Variants in DUSP7 observed in about 807,000 individuals in gnomAD.
DUSP7 encodes dual specificity phosphatase 7.
In DUSP7, 7 loss-of-function variants were observed where a neutral mutation model predicts 29.8. The ratio of observed to expected loss-of-function variants is 0.24; its 90% CI spans 0.13 to 0.44. The LOEUF (loss-of-function observed/expected upper bound fraction) is 0.44. DUSP7 is among the 20% of genes least tolerant of loss of function. The probability of loss-of-function intolerance (pLI) is 1.00; values close to 1 mark genes in which losing one functional copy is unlikely to be tolerated. For synonymous variants in DUSP7, 287 were observed against 275.4 expected (o/e 1.04, Z -0.42); for missense variants, 400 against 583.7 (o/e 0.69, Z 3.24).
chr3:52,055,884 C>T lies in DUSP7; in HGVS notation c.483G>A (p.Leu161=). ...ASVLGLLLQK[L]RDDGCQAYYL... ...AGTAGGCCTGGCAGCCGTCGTCGCG[C>T]AGCTTCTGTAGGAGCAGGCCGAGCA... The change falls in exon 1 of 3, where the codon CTG becomes CTA. Residue 161 remains leucine (L), a synonymous_variant. Coordinates refer to ENST00000495880, the MANE Select transcript of DUSP7 (RefSeq NM_001947.4). 8.9e-6 allele frequency: 14 copies of T among 1,573,242 alleles called. No individual in the cohort carries two copies. The highest frequency in any genetic ancestry group is 1.2e-5 in the Non-Finnish European group (14 of 1,160,320).
In DUSP7 at chr3:52,051,551, T is replaced by C. The variant is rs1026155025; in HGVS notation, c.953-429A>G. 2.5e-5 allele frequency: 4 copies of C among 160,596 alleles called. No individual in the cohort carries two copies. In the East Asian group the frequency reaches 7.2e-4, roughly 29 times the overall value. 9.9% of individuals were successfully genotyped at this position (160,596 alleles called of 1,614,324 possible). ...CTTGGGTCATCTGCACCATGGCCAG[T>C]AAGCCCATTTTATCAACGAGGAAAC... On this transcript the variant is annotated intron_variant, in intron 2 of 2. Transcript: ENST00000495880. This position sits in a 1 kb window ranked among gnomAD's most constrained non-coding sequence, Gnocchi z 4.8.
In DUSP7 at chr3:52,056,167, C is replaced by T. The variant is rs1420254238; in HGVS notation, c.200G>A (p.Arg67His). 3.8e-6 allele frequency: 6 copies of T among 1,589,178 alleles called. No homozygotes were observed. The highest frequency in any genetic ancestry group is 4.5e-5 in the East Asian group (2 of 44,260). Residue 67 changes from arginine to histidine, a missense_variant, in exon 1 of 3, where the codon CGC (arginine) becomes CAC (histidine). Coordinates refer to ENST00000495880, the MANE Select transcript of DUSP7 (RefSeq NM_001947.4). The surrounding 1 kb of genome is among the most constrained non-coding windows in gnomAD (Gnocchi z 6.4). ...GAGCAGCAGCAAGGACGCGCCGCCG[C>T]GCGCCTCCAGCTCCTCCTGCAGCCA... ...AEWLQEELEARGGASLLLLDC... is the reference protein window; with the variant it reads ...AEWLQEELEAHGGASLLLLDC...
chr3:52,054,777 T>A lies in DUSP7; in HGVS notation c.518-403A>T, dbSNP rs1577768585. 6.6e-6 allele frequency among the ~76,000 whole-genome samples: 1 copy of A among 152,320 alleles called. No homozygotes were observed. Among genetic ancestry groups the A allele is most frequent in the Middle Eastern group, 3.4e-3 (1 of 294 alleles). ...TAAAGAAAAGCAGACAACCCCATCT[T>A]AGCCAGCACCTCTGGGTTGGCAAAC... is the stretch of plus-strand genomic sequence containing the variant. On this transcript the variant is annotated intron_variant, in intron 1 of 2. Coordinates refer to ENST00000495880, the MANE Select transcript of DUSP7 (RefSeq NM_001947.4). This position sits in a 1 kb window ranked among gnomAD's most constrained non-coding sequence, Gnocchi z 4.1.
In DUSP7 at chr3:52,056,316, C is replaced by G; in HGVS notation, c.51G>C (p.Ser17=). 8.4e-7 allele frequency: 1 copy of G among 1,188,226 alleles called. No individual in the cohort carries two copies. The highest frequency in any genetic ancestry group is 1.0e-6 in the Non-Finnish European group (1 of 962,408). 73.6% of individuals were successfully genotyped at this position (1,188,226 alleles called of 1,614,324 possible). Residue 17 remains serine, a synonymous_variant, in exon 1 of 3, where the codon TCG becomes TCC. Transcript: ENST00000495880. The surrounding 1 kb of genome is among the most constrained non-coding windows in gnomAD (Gnocchi z 6.4). ...GGGTGCCCCCAGCCGCCGCCGCCCC[C>G]GAAGTCGACATGTGCGCCCGCGCTG... is the stretch of plus-strand genomic sequence containing the variant. ...GPPARAHMST[S]GAAAAGGTRA...
rs1423872937 is a variant in DUSP7 at position 52,054,665 on chromosome 3, G to T, written c.518-291C>A. ...CCCCAGCCATGGCACCAGCTTTAGG[G>T]CACTTGAGGACAGGCCCCAGCTAAT... On this transcript the variant is annotated intron_variant, in intron 1 of 2. Coordinates refer to ENST00000495880, the MANE Select transcript of DUSP7 (RefSeq NM_001947.4). This position sits in a 1 kb window ranked among gnomAD's most constrained non-coding sequence, Gnocchi z 4.1. Among the ~76,000 whole-genome samples the T allele has an allele frequency of 6.6e-6, 1 of 152,220 alleles. No homozygotes were observed. The highest frequency in any genetic ancestry group is 1.5e-5 in the Non-Finnish European group (1 of 68,050).
In DUSP7 at chr3:52,054,426, TG is replaced by T. The variant is rs1701878023; in HGVS notation, c.518-53del. Reference sequence around the variant, plus strand: ...GGTGAGAGGCTGGTGAGAGCCCAGATGGGCTGCACAAGACCAGAGATGGCCA... The same window carrying T: ...GGTGAGAGGCTGGTGAGAGCCCAGATGGCTGCACAAGACCAGAGATGGCCA... On this transcript the variant is annotated intron_variant, in intron 1 of 2. Coordinates refer to ENST00000495880, the MANE Select transcript of DUSP7 (RefSeq NM_001947.4). This position sits in a 1 kb window ranked among gnomAD's most constrained non-coding sequence, Gnocchi z 4.1. The T allele has an allele frequency of 6.8e-7, 1 of 1,466,416 alleles. No homozygotes were observed. Among genetic ancestry groups the T allele is most frequent in the African/African-American group, 1.4e-5 (1 of 70,544 alleles). The allele number at this position is 1,466,416 out of a possible 1,614,324, so 90.8% of individuals were successfully genotyped here. A position where few individuals can be genotyped will look rare whatever the true frequency, so the allele number is the denominator to read the frequency against.
chr3:52,053,936 C>T lies in DUSP7; in HGVS notation c.952+4G>A. 1 of 1,614,074 alleles carries T rather than the reference C, an allele frequency of 6.2e-7. No homozygotes were observed. The highest frequency in any genetic ancestry group is 8.5e-7 in the Non-Finnish European group (1 of 1,179,978). On this transcript the variant is annotated splice_donor_region_variant and intron_variant, in intron 2 of 2. Coordinates refer to ENST00000495880, the MANE Select transcript of DUSP7 (RefSeq NM_001947.4). This position sits in a 1 kb window ranked among gnomAD's most constrained non-coding sequence, Gnocchi z 4.6. ...CACCCCCCTGCCCAGCACACAGCAC[C>T]TACCAATGAAGCTGATGGCCTCAGG...
rs369630401 is a variant in DUSP7 at position 52,049,137 on chromosome 3, A to G, written c.*1678T>C. The G allele has an allele frequency of 1.1e-4, 17 of 152,330 alleles. No individual in the cohort carries two copies. Among genetic ancestry groups the G allele is most frequent in the African/African-American group, 4.1e-4 (17 of 41,554 alleles). 9.4% of individuals were successfully genotyped at this position (152,330 alleles called of 1,614,324 possible). A position where few individuals can be genotyped will look rare whatever the true frequency, so the allele number is the denominator to read the frequency against. On this transcript the variant is annotated 3_prime_UTR_variant, in exon 3 of 3. Coordinates refer to ENST00000495880, the MANE Select transcript of DUSP7 (RefSeq NM_001947.4). ...TCTTTTTAAAAATAAAAGAGAGAAA[A>G]AGAGAACCATGTACAGCATGGAAGC...
rs1246923984 is a variant in DUSP7, at chr3:52,050,665, G to A, written c.*150C>T. ...CGGGCCCTGCCCCCAAGGATGGTGA[G>A]GGGCGCTCCGACACCGATCAGCCTG... On this transcript the variant is annotated 3_prime_UTR_variant, in exon 3 of 3. Coordinates refer to ENST00000495880, the MANE Select transcript of DUSP7 (RefSeq NM_001947.4). This position sits in a 1 kb window ranked among gnomAD's most constrained non-coding sequence, Gnocchi z 5.0. The A allele has an allele frequency of 2.2e-6, 2 of 927,928 alleles. No individual in the cohort carries two copies. The highest frequency in any genetic ancestry group is 3.4e-5 in the African/African-American group (2 of 59,588). The allele number at this position is 927,928 out of a possible 1,614,324, so 57.5% of individuals were successfully genotyped here.
rs773987682 is a variant in DUSP7 at position 52,054,254 on chromosome 3, C to T, written c.638G>A (p.Ser213Asn). 39 of 1,607,630 alleles carry T rather than the reference C, an allele frequency of 2.4e-5. No homozygotes were observed. The highest frequency in any genetic ancestry group is 3.3e-5 in the Non-Finnish European group (39 of 1,175,980). The change falls in exon 2 of 3, where the codon AGC (serine) becomes AAC (asparagine). Residue 213 changes from serine (S) to asparagine (N), a missense_variant. By Grantham distance (46) the Ser-to-Asn change is conservative. Coordinates refer to ENST00000495880, the MANE Select transcript of DUSP7 (RefSeq NM_001947.4). The surrounding 1 kb of genome is among the most constrained non-coding windows in gnomAD (Gnocchi z 4.1). ...CGACTCGCCGTCGGAGCAGTCAGAG[C>T]TGATGCGCAGGCCCCCCAGGCCCAG... Reference protein sequence around the residue: ...SVLGLGGLRISSDCSDGESDR... With the variant: ...SVLGLGGLRINSDCSDGESDR...
At position 52,053,753 on chromosome 3, in the gene DUSP7, T is replaced by A. The variant is rs1701869449; in HGVS notation, c.952+187A>T. ...AGGAGACTGCTCAGGCCCCAACAGG[T>A]AGAGGGGCCCAAGGGACTCGGTGAC... On this transcript the variant is annotated intron_variant, in intron 2 of 2. Transcript: ENST00000495880. The surrounding 1 kb of genome is among the most constrained non-coding windows in gnomAD (Gnocchi z 4.6). The A allele has an allele frequency of 1.6e-6, 1 of 640,232 alleles. No homozygotes were observed. The highest frequency in any genetic ancestry group is 1.8e-5 in the African/African-American group (1 of 54,684). The allele number at this position is 640,232 out of a possible 1,614,324, so 39.7% of individuals were successfully genotyped here. A position where few individuals can be genotyped will look rare whatever the true frequency, so the allele number is the denominator to read the frequency against.
rs1442464465 is a variant in DUSP7 at position 52,049,237 on chromosome 3, G to A, written c.*1578C>T. 2 of 152,242 alleles carry A rather than the reference G, an allele frequency of 1.3e-5. No homozygotes were observed. Among genetic ancestry groups the A allele is most frequent in the Admixed American group, 6.5e-5 (1 of 15,284 alleles). 9.4% of individuals were successfully genotyped at this position (152,242 alleles called of 1,614,324 possible). ...GAATCCCTGAAAGCCACCCCCGTGA[G>A]GTAAGAAGCAGTGGGGCAGAGTTTT... On this transcript the variant is annotated 3_prime_UTR_variant, in exon 3 of 3. Transcript: ENST00000495880.
rs1701821729 is a variant in DUSP7, at chr3:52,049,498, G to A, written c.*1317C>T. 6.6e-6 allele frequency: 1 copy of A among 152,338 alleles called. No individual in the cohort carries two copies. Among genetic ancestry groups the A allele is most frequent in the African/African-American group, 2.4e-5 (1 of 41,462 alleles). The allele number at this position is 152,338 out of a possible 1,614,324, so 9.4% of individuals were successfully genotyped here. ...CCTTGCCCCACTTGCCCCCGCCCTA[G>A]GGTTGAAATGGGTGCAAGTCTCCTG... is the stretch of plus-strand genomic sequence containing the variant. On this transcript the variant is annotated 3_prime_UTR_variant, in exon 3 of 3. Transcript: ENST00000495880.
rs1701847405 is a variant in DUSP7 at position 52,051,555 on chromosome 3, C to G, written c.953-433G>C. On this transcript the variant is annotated intron_variant, in intron 2 of 2. Coordinates refer to ENST00000495880, the MANE Select transcript of DUSP7 (RefSeq NM_001947.4). The surrounding 1 kb of genome is among the most constrained non-coding windows in gnomAD (Gnocchi z 4.8). ...GGTCATCTGCACCATGGCCAGTAAG[C>G]CCATTTTATCAACGAGGAAACAGAC... 1 of 160,326 alleles carries G rather than the reference C, an allele frequency of 6.2e-6. No homozygotes were observed. Among genetic ancestry groups the G allele is most frequent in the East Asian group, 1.8e-4 (1 of 5,578 alleles). 9.9% of individuals were successfully genotyped at this position (160,326 alleles called of 1,614,324 possible). A position where few individuals can be genotyped will look rare whatever the true frequency, so the allele number is the denominator to read the frequency against.
In DUSP7 at chr3:52,051,225, CTGGTCTTGCCCGA is replaced by C; in HGVS notation, c.953-116_953-104del. ...GCACAGAGGGCAGCATGGTGGCTGG[CTGGTCTTGCCCGA>C]CCCCTGAGGGACCTGGCCAAGCCCA... is the stretch of plus-strand genomic sequence containing the variant. On this transcript the variant is annotated intron_variant, in intron 2 of 2. Coordinates refer to ENST00000495880, the MANE Select transcript of DUSP7 (RefSeq NM_001947.4). The surrounding 1 kb of genome is among the most constrained non-coding windows in gnomAD (Gnocchi z 4.8). 1 of 1,370,852 alleles carries C rather than the reference CTGGTCTTGCCCGA, an allele frequency of 7.3e-7. No homozygotes were observed. The highest frequency in any genetic ancestry group is 9.8e-7 in the Non-Finnish European group (1 of 1,019,276). 84.9% of individuals were successfully genotyped at this position (1,370,852 alleles called of 1,614,324 possible).
chr3:52,054,783 G>A lies in DUSP7; in HGVS notation c.518-409C>T, dbSNP rs1701882229. On this transcript the variant is annotated intron_variant, in intron 1 of 2. Coordinates refer to ENST00000495880, the MANE Select transcript of DUSP7 (RefSeq NM_001947.4). The surrounding 1 kb of genome is among the most constrained non-coding windows in gnomAD (Gnocchi z 4.1). The stretch of plus-strand genomic sequence containing the variant: ...AAAGCAGACAACCCCATCTTAGCCA[G>A]CACCTCTGGGTTGGCAAACTCCTCT... 6.6e-6 allele frequency among the ~76,000 whole-genome samples: 1 copy of A among 152,208 alleles called. No homozygotes were observed. Among genetic ancestry groups the A allele is most frequent in the South Asian group, 2.1e-4 (1 of 4,834 alleles).
rs989785846 is a variant in DUSP7 at position 52,050,544 on chromosome 3, C to T, written c.*271G>A. 12 of 366,980 alleles carry T rather than the reference C, an allele frequency of 3.3e-5. No individual in the cohort carries two copies. In the East Asian group the frequency reaches 5.1e-4, roughly 16 times the overall value. 22.7% of individuals were successfully genotyped at this position (366,980 alleles called of 1,614,324 possible). A position where few individuals can be genotyped will look rare whatever the true frequency, so the allele number is the denominator to read the frequency against. ...TGGCTGGGCTGTCAGCAGAAAGGAG[C>T]GTCCTGGACAGGATGAGGCCCTGGT... On this transcript the variant is annotated 3_prime_UTR_variant, in exon 3 of 3. Coordinates refer to ENST00000495880, the MANE Select transcript of DUSP7 (RefSeq NM_001947.4). This position sits in a 1 kb window ranked among gnomAD's most constrained non-coding sequence, Gnocchi z 5.0.
In DUSP7 at chr3:52,054,400, GGGTGAGAGGCT is replaced by G; in HGVS notation, c.518-37_518-27del. 6.6e-7 allele frequency: 1 copy of G among 1,514,668 alleles called. No homozygotes were observed. The highest frequency in any genetic ancestry group is 8.8e-7 in the Non-Finnish European group (1 of 1,131,816). The allele number at this position is 1,514,668 out of a possible 1,614,324, so 93.8% of individuals were successfully genotyped here. A position where few individuals can be genotyped will look rare whatever the true frequency, so the allele number is the denominator to read the frequency against. On this transcript the variant is annotated intron_variant, in intron 1 of 2. Transcript: ENST00000495880. The surrounding 1 kb of genome is among the most constrained non-coding windows in gnomAD (Gnocchi z 4.1). ...CTGTGTCCAGGGTGAGACAGGGCCTGGGTGAGAGGCTGGTGAGAGCCCAGATGGGCTGCACA... is the reference window on the plus strand; with the variant it reads ...CTGTGTCCAGGGTGAGACAGGGCCTGGGTGAGAGCCCAGATGGGCTGCACA...
rs1049989083 is a variant in DUSP7 at position 52,054,112 on chromosome 3, G to A, written c.780C>T (p.Ser260=). The change falls in exon 2 of 3, where the codon TCC becomes TCT. Residue 260 remains serine, a synonymous_variant. Coordinates refer to ENST00000495880, the MANE Select transcript of DUSP7 (RefSeq NM_001947.4). This position sits in a 1 kb window ranked among gnomAD's most constrained non-coding sequence, Gnocchi z 4.1. ...PYLYLGCAKD[S]TNLDVLGKYG... The stretch of plus-strand genomic sequence containing the variant: ...ACTTGCCGAGCACGTCCAGGTTGGT[G>A]GAGTCCTTGGCGCAGCCGAGGTAGA... 15 of 1,614,098 alleles carry A rather than the reference G, an allele frequency of 9.3e-6. No homozygotes were observed. Among genetic ancestry groups the A allele is most frequent in the East Asian group, 6.7e-5 (3 of 44,894 alleles).
Sources: gnomAD v4.1 joint callset for allele counts (sites outside exome capture counted in the v4.1 genomes callset) on GRCh38, gnomAD v4.1.1 for gene constraint, Gnocchi (gnomAD v3.1) non-coding constraint, MANE v1.5 for transcripts, NCBI Gene and HGNC (gene_info 2026-07-23, HGNC 2026-07-21) for gene names.